The following DLG2 variants were observed in gnomAD, a reference collection of about 807,000 sequenced individuals.
DLG2 encodes disks large homolog 2.
A neutral mutation model predicts 132.5 loss-of-function variants in DLG2; 45 were observed. That is an observed-to-expected ratio of 0.34 (90% CI 0.27 to 0.44). The LOEUF is 0.44. Ranked by LOEUF, DLG2 falls within the 20% of genes least tolerant of loss-of-function variation. DLG2 has a pLI of 1.00. For synonymous variants in DLG2, 424 were observed against 419.6 expected, an observed-to-expected ratio of 1.01 and a Z score of -0.13; for missense variants, 1,045 against 1,196.9, an observed-to-expected ratio of 0.87 and a Z score of 1.87.
At chr11:83,699,717 A>C (rs541708658) in intron 18 of DLG2, among the ~76,000 whole-genome samples, 3 of 140,674 alleles carry the variant, frequency 2.1e-5, no homozygotes, top group East Asian at 2.0e-4. Context: ...CTAAAAAAAA[A>C]CATAATAATA....
chr11:85,170,188 G>C (rs1438347707), intron 4 of DLG2, among the ~76,000 whole-genome samples: 3 of 152,132 alleles, frequency 2.0e-5, no homozygotes, highest in Non-Finnish European at 2.9e-5. Context: ...GAAGAAACAT[G>C]ACTGGACAAA....
chr11:84,421,129 G>A (rs2154464986), intron 7 of DLG2, among the ~76,000 whole-genome samples: 1 of 152,198 alleles, frequency 6.6e-6, no homozygotes, highest in South Asian at 2.1e-4. Flanking sequence ...AACCTTGTAA[G>A]GTTATAGTGA....
intron 4 of DLG2, among the ~76,000 whole-genome samples, chr11:85,234,184 G>T (rs975644314): frequency 6.6e-6 from 1 of 151,810 alleles, no homozygotes. Context: ...ATACAGGAAG[G>T]TACATCAACA....
intron 21 of DLG2, among the ~76,000 whole-genome samples, chr11:83,505,130 C>A (rs1038780492): frequency 3.5e-4 from 54 of 152,140 alleles, no homozygotes; most frequent in African/African-American, 1.3e-3. Flanking sequence ...ACAGGCATAC[C>A]CATATCCAGA....
chr11:84,265,832 C>G (rs2097620400), intron 7 of DLG2, among the ~76,000 whole-genome samples: 1 of 151,870 alleles, frequency 6.6e-6, no homozygotes, highest in African/African-American at 2.4e-5. Flanking sequence ...ATAAAAATAT[C>G]TAAATGAAGC....
chr11:84,813,800 A>C (rs905704647), intron 6 of DLG2, among the ~76,000 whole-genome samples: 2 of 152,008 alleles, frequency 1.3e-5, no homozygotes, highest in Admixed American at 1.3e-4. Context: ...TGGTGATTAC[A>C]AACCTAATAG....
intron 14 of DLG2, among the ~76,000 whole-genome samples, chr11:83,951,111 A>G (rs1301966473): frequency 6.6e-6 from 1 of 152,206 alleles, no homozygotes; most frequent in Non-Finnish European, 1.5e-5. Context: ...TAAGAGACAT[A>G]AGCATTTAAA....
intron 18 of DLG2, among the ~76,000 whole-genome samples, chr11:83,745,553 C>T (rs944595652): frequency 6.6e-6 from 1 of 152,116 alleles, no homozygotes; most frequent in Admixed American, 6.6e-5. Flanking sequence ...GCTGTAATCC[C>T]AGCGCTTTGA....
rs145166886 is a variant in DLG2 at position 85,185,731 on chromosome 11, C to T, written c.187-31080G>A. 3.3e-5 allele frequency among the ~76,000 whole-genome samples: 5 copies of T among 151,928 alleles called. No homozygotes were observed. The East Asian group carries it at 9.7e-4, about 29-fold the overall frequency. ...CCCTCTGCATACTTACAGCTAAGTG[C>T]CATCATCCTCATCGAAATCAACATA... On this transcript the variant is annotated intron_variant, in intron 4 of 27. Coordinates refer to ENST00000376104, the MANE Select transcript of DLG2 (RefSeq NM_001142699.3).
intron 16 of DLG2, among the ~76,000 whole-genome samples, chr11:83,861,421 C>A (rs2061436969): frequency 1.3e-5 from 2 of 152,286 alleles, no homozygotes; most frequent in Middle Eastern, 3.4e-3. Context: ...AAAGAGATAT[C>A]TGCACTGCTA....
At chr11:83,560,111 A>G (rs920566110) in intron 19 of DLG2, among the ~76,000 whole-genome samples, 2 of 150,638 alleles carry the variant, frequency 1.3e-5, no homozygotes, top group African/African-American at 4.9e-5. Context: ...ATGGGGGCTG[A>G]ACTTTGCTTT....
chr11:83,711,802 A>G (rs953025657), intron 18 of DLG2, among the ~76,000 whole-genome samples: 2 of 151,796 alleles, frequency 1.3e-5, no homozygotes, highest in Non-Finnish European at 2.9e-5. Flanking sequence ...CAGGAGTACT[A>G]GGTCACCTGA....
At chr11:85,603,518 C>CTT (rs1396118094) in intron 2 of DLG2, among the ~76,000 whole-genome samples, 1 of 151,318 alleles carries the variant, frequency 6.6e-6, no homozygotes, top group Non-Finnish European at 1.5e-5. Flanking sequence ...GCACCTTTTT[C>CTT]TTTTCTCTCT....
chr11:84,870,677 A>T (rs2085337924), intron 6 of DLG2, among the ~76,000 whole-genome samples: 1 of 152,232 alleles, frequency 6.6e-6, no homozygotes, highest in Non-Finnish European at 1.5e-5. Context: ...ATCACTGTGT[A>T]CATAATACAC....
At chr11:85,450,838 T>G (rs2092214143) in intron 3 of DLG2, among the ~76,000 whole-genome samples, 1 of 152,172 alleles carries the variant, frequency 6.6e-6, no homozygotes, top group Admixed American at 6.5e-5. Context: ...TAACTCTATA[T>G]TCTTTTTGTT....
At chr11:84,567,322 A>T (rs2099460884) in intron 6 of DLG2, among the ~76,000 whole-genome samples, 1 of 152,184 alleles carries the variant, frequency 6.6e-6, no homozygotes, top group African/African-American at 2.4e-5. Context: ...GTAAGAAAGC[A>T]AGCTGAAAAG....
At chr11:85,142,496 A>G (rs1401536675) in intron 5 of DLG2, among the ~76,000 whole-genome samples, 1 of 151,928 alleles carries the variant, frequency 6.6e-6, no homozygotes, top group East Asian at 1.9e-4. Context: ...ATAGAAGATC[A>G]TATCAGCTAT....
chr11:84,244,517 G>A (rs924940430), intron 8 of DLG2, among the ~76,000 whole-genome samples: 1 of 152,294 alleles, frequency 6.6e-6, no homozygotes, highest in African/African-American at 2.4e-5. Context: ...TAAGAGTAGG[G>A]ATTCTGCTGA....
intron 18 of DLG2, among the ~76,000 whole-genome samples, chr11:83,722,451 G>A (rs76552842): frequency 0.01 from 1,592 of 152,270 alleles, 19 homozygotes; most frequent in Non-Finnish European, 0.016. Context: ...AATTTGGTAG[G>A]GGATATGGAG....
Sources: allele counts gnomAD v4.1 joint callset (sites outside exome capture counted in the v4.1 genomes callset), GRCh38; gene constraint gnomAD v4.1.1; transcripts MANE v1.5; gene names NCBI Gene and HGNC (gene_info 2026-07-23, HGNC 2026-07-21).